Variants in ELF1 observed in about 807,000 individuals in gnomAD.
The protein encoded by ELF1 is E74 like ETS transcription factor 1, also known as ETS-related transcription factor Elf-1.
In ELF1, 24 loss-of-function variants were observed where a neutral mutation model predicts 59.9. The ratio of observed to expected loss-of-function variants is 0.40; its 90% CI spans 0.29 to 0.56. The LOEUF is 0.56. Among genes scored for constraint, ELF1 ranks in the 20% least tolerant of loss-of-function variants. ELF1 has a pLI of 0.44. For missense variants in ELF1, 627 were observed against 742.2 expected (o/e 0.84, Z 1.80); for synonymous variants, 248 against 266.2 (o/e 0.93, Z 0.67).
At chr13:40,942,024 C>T (rs937189519) in intron 7 of ELF1, among the ~76,000 whole-genome samples, 9 of 152,152 alleles carry the variant, frequency 5.9e-5, no homozygotes, top group African/African-American at 1.4e-4. Flanking sequence ...TTCTCCTCCA[C>T]GGCTTTCTAG....
At position 40,982,080 on chromosome 13, in the gene ELF1, A is replaced by G. The variant is rs770420340; in HGVS notation, c.-26T>C. The G allele has an allele frequency of 6.3e-7, 1 of 1,596,798 alleles. No homozygotes were observed. The highest frequency in any genetic ancestry group is 8.5e-7 in the Non-Finnish European group (1 of 1,173,472). ...AATAAAGCATTCCCCTTAGATCCAC[A>G]TGAGAAAAATTCCAAGAAGATTCAC... is the stretch of plus-strand genomic sequence containing the variant. On this transcript the variant is annotated 5_prime_UTR_variant, in exon 2 of 9. It removes an upstream start codon present in the reference 5' UTR. Coordinates refer to ENST00000239882, the MANE Select transcript of ELF1 (RefSeq NM_172373.4).
chr13:40,978,089 G>T (rs921946685), intron 2 of ELF1, among the ~76,000 whole-genome samples: 5 of 152,122 alleles, frequency 3.3e-5, no homozygotes, highest in African/African-American at 1.2e-4. Context: ...GATACTAGAA[G>T]AAAATGTAGG....
At chr13:40,981,920 T>C (rs1011521110) in intron 2 of ELF1, 63 bp downstream of exon 2, 6 of 1,530,688 alleles carry the variant, frequency 3.9e-6, no homozygotes, top group Non-Finnish European at 3.5e-6. Context: ...GAAATAATTT[T>C]CTGATATGAA....
At chr13:41,041,063 G>A (rs2138420121) in intron 1 of ELF1, among the ~76,000 whole-genome samples, 1 of 152,228 alleles carries the variant, frequency 6.6e-6, no homozygotes, top group South Asian at 2.1e-4. Flanking sequence ...TAAGCAGCCA[G>A]TCATGTAAAG....
chr13:41,049,417 C>G (rs1876993133), intron 1 of ELF1, among the ~76,000 whole-genome samples: 1 of 152,154 alleles, frequency 6.6e-6, no homozygotes. Context: ...TTTTCTTGCT[C>G]CTATGCCATT....
chr13:40,956,104 GACA>G (rs1226032973), intron 3 of ELF1, among the ~76,000 whole-genome samples: 1 of 150,064 alleles, frequency 6.7e-6, no homozygotes, highest in Non-Finnish European at 1.5e-5. Context: ...GGGCCATGAT[GACA>G]ATGGCGGTTT....
At chr13:41,001,873 GA>G (rs35703984) in intron 1 of ELF1, among the ~76,000 whole-genome samples, 56 of 145,438 alleles carry the variant, frequency 3.9e-4, no homozygotes, top group Admixed American at 2.1e-3. Flanking sequence ...TTGCTTCAAA[GA>G]AAAAAAAAAA....
chr13:40,988,692 G>C (rs1206174132), intron 1 of ELF1, among the ~76,000 whole-genome samples: 1 of 152,106 alleles, frequency 6.6e-6, no homozygotes, highest in African/African-American at 2.4e-5. Flanking sequence ...TTTTCACTCA[G>C]CCTAAAAAGT....
chr13:40,958,788 C>T (rs1396647304), intron 3 of ELF1, 48 bp downstream of exon 3: 1 of 1,567,370 alleles, frequency 6.4e-7, no homozygotes, highest in Non-Finnish European at 8.6e-7. Flanking sequence ...TAGGACACTG[C>T]CTAAAGCTGT....
At chr13:41,055,078 G>C (rs1877235691) in intron 1 of ELF1, among the ~76,000 whole-genome samples, 1 of 152,210 alleles carries the variant, frequency 6.6e-6, no homozygotes, top group South Asian at 2.1e-4. Flanking sequence ...TGATACAGAG[G>C]GAAACAAGTC....
intron 1 of ELF1, among the ~76,000 whole-genome samples, chr13:41,003,608 C>T (rs1874585257): frequency 6.6e-6 from 1 of 151,904 alleles, no homozygotes; most frequent in Admixed American, 6.6e-5. Context: ...CACTGAGGCA[C>T]AAAAAACTTG....
chr13:40,954,748 T>C (rs1871112165), intron 3 of ELF1, among the ~76,000 whole-genome samples: 1 of 151,470 alleles, frequency 6.6e-6, no homozygotes, highest in Non-Finnish European at 1.5e-5. Context: ...GTTCACTCAG[T>C]GCTCAATGGT....
At chr13:41,057,373 A>C (rs1877326380) in intron 1 of ELF1, among the ~76,000 whole-genome samples, 1 of 151,304 alleles carries the variant, frequency 6.6e-6, no homozygotes. Context: ...TATGTTGTCC[A>C]GGCTCTCTCA....
chr13:41,046,009 T>G (rs999199763), intron 1 of ELF1, among the ~76,000 whole-genome samples: 3 of 152,242 alleles, frequency 2.0e-5, no homozygotes, highest in Admixed American at 1.3e-4. Flanking sequence ...TAGCTCTTCT[T>G]GTTGAATTGA....
chr13:40,945,141 C>T (rs1263621893), intron 5 of ELF1, among the ~76,000 whole-genome samples: 1 of 152,140 alleles, frequency 6.6e-6, no homozygotes, highest in African/African-American at 2.4e-5. Context: ...ACTTCAGTAA[C>T]CTCCACCTTA....
At chr13:40,989,139 A>G (rs1208797814) in intron 1 of ELF1, among the ~76,000 whole-genome samples, 2 of 152,202 alleles carry the variant, frequency 1.3e-5, no homozygotes, top group East Asian at 3.8e-4. Flanking sequence ...TAGAATTTAC[A>G]TTAAAATATG....
At chr13:40,989,332 T>C (rs1367966665) in intron 1 of ELF1, among the ~76,000 whole-genome samples, 1 of 152,186 alleles carries the variant, frequency 6.6e-6, no homozygotes, top group Non-Finnish European at 1.5e-5. Context: ...AAACAAATCA[T>C]TTCATTGCAC....
upstream of ELF1, among the ~76,000 whole-genome samples, chr13:41,022,061 C>A (rs1044177120): frequency 6.6e-6 from 1 of 152,062 alleles, no homozygotes; most frequent in African/African-American, 2.4e-5. Context: ...GGCATTTACC[C>A]AAGAGAAATG....
At chr13:40,952,978 C>CT (rs35370228) in intron 3 of ELF1, among the ~76,000 whole-genome samples, 136,067 of 142,180 alleles carry the variant, frequency 0.96, 65,118 homozygotes, top group Non-Finnish European at 0.97. Flanking sequence ...AACAATAAAT[C>CT]TTTTTTTTTT....
Sources: gnomAD v4.1 joint callset for allele counts (sites outside exome capture counted in the v4.1 genomes callset) on GRCh38, gnomAD v4.1.1 for gene constraint, MANE v1.5 for transcripts, NCBI Gene and HGNC (gene_info 2026-07-23, HGNC 2026-07-21) for gene names.